The following DPYD variants were observed in gnomAD, a reference collection of about 807,000 sequenced individuals.
The protein encoded by DPYD is dihydropyrimidine dehydrogenase.
DPYD carries 109 observed loss-of-function variants against 116.2 expected under a neutral mutation model. That is an observed-to-expected ratio of 0.94 (90% CI 0.80 to 1.10). DPYD has a LOEUF of 1.10. Among genes scored for constraint, DPYD ranks in the 50% least tolerant of loss-of-function variants. DPYD has a pLI of 0.00. For missense variants in DPYD, 1,302 were observed against 1,254.5 expected, an observed-to-expected ratio of 1.04 and a Z score of -0.57; for synonymous variants, 440 against 432.0, an observed-to-expected ratio of 1.02 and a Z score of -0.23.
At chr1:97,094,113 T>G (rs1459160556) in intron 21 of DPYD, among the ~76,000 whole-genome samples, 1 of 152,062 alleles carries the variant, frequency 6.6e-6, no homozygotes, top group African/African-American at 2.4e-5. Flanking sequence ...GTTGTTACTT[T>G]CTCAGTCTTC....
At chr1:97,310,179 C>T (rs1667418127) in intron 16 of DPYD, among the ~76,000 whole-genome samples, 1 of 151,804 alleles carries the variant, frequency 6.6e-6, no homozygotes, top group Middle Eastern at 3.4e-3. Context: ...CAAAATTTTA[C>T]CAGTTATAAA....
intron 4 of DPYD, among the ~76,000 whole-genome samples, chr1:97,737,412 T>C (rs1454580666): frequency 1.3e-5 from 2 of 152,100 alleles, no homozygotes; most frequent in Non-Finnish European, 2.9e-5. Context: ...TTTCCAACAT[T>C]TTTTCTTCCA....
intron 2 of DPYD, among the ~76,000 whole-genome samples, chr1:97,877,797 C>T (rs935052964): frequency 6.6e-6 from 1 of 151,850 alleles, no homozygotes; most frequent in African/African-American, 2.4e-5. Context: ...TTTGATATGT[C>T]AATGGAGGGA....
intron 20 of DPYD, among the ~76,000 whole-genome samples, chr1:97,152,413 CTT>C (rs950138928): frequency 1.3e-5 from 2 of 150,424 alleles, no homozygotes; most frequent in African/African-American, 2.4e-5. Context: ...GATGCCTCCA[CTT>C]TGTTAGGTGA....
intron 18 of DPYD, among the ~76,000 whole-genome samples, chr1:97,255,517 C>T (rs972054588): frequency 2.6e-5 from 4 of 152,058 alleles, no homozygotes; most frequent in African/African-American, 9.7e-5. Context: ...TCTCTCTTTG[C>T]CTGCTGCCAT....
At chr1:97,423,861 A>G (rs1214038012) in intron 14 of DPYD, among the ~76,000 whole-genome samples, 1 of 152,098 alleles carries the variant, frequency 6.6e-6, no homozygotes, top group Admixed American at 6.6e-5. Context: ...CTGATTACAA[A>G]ATAAGAAATT....
rs1038505911 is a variant in DPYD at position 97,126,254 on chromosome 1, T to C, written c.2623-27622A>G. Among the ~76,000 whole-genome samples the C allele has an allele frequency of 3.3e-5, 5 of 152,192 alleles. No individual in the cohort carries two copies. The South Asian group carries it at 6.2e-4, about 19-fold the overall frequency. ...GATAAATTTGCTCAAGTAGAACTTC[T>C]AGATGTATCTGACACTTGTTCCCAT... On this transcript the variant is annotated intron_variant, in intron 20 of 22. Transcript: ENST00000370192.
At chr1:97,819,190 AT>A (rs978462475) in intron 3 of DPYD, among the ~76,000 whole-genome samples, 1 of 151,962 alleles carries the variant, frequency 6.6e-6, no homozygotes, top group Non-Finnish European at 1.5e-5. Context: ...TAAAGATAAC[AT>A]GTTCTCTGTG....
At chr1:97,525,565 T>C (rs1180182713) in intron 12 of DPYD, among the ~76,000 whole-genome samples, 1 of 152,148 alleles carries the variant, frequency 6.6e-6, no homozygotes, top group Non-Finnish European at 1.5e-5. Context: ...TTAGTGTCTT[T>C]TTCAAATTAG....
chr1:97,574,352 T>C (rs1374734645), intron 10 of DPYD, among the ~76,000 whole-genome samples: 1 of 152,098 alleles, frequency 6.6e-6, no homozygotes, highest in Non-Finnish European at 1.5e-5. Flanking sequence ...AATACTTCTG[T>C]TTATTACCAG....
intron 16 of DPYD, among the ~76,000 whole-genome samples, chr1:97,346,005 A>G (rs1212491817): frequency 6.6e-6 from 1 of 151,910 alleles, no homozygotes; most frequent in Non-Finnish European, 1.5e-5. Context: ...TATATTAGGT[A>G]AAGTAAGTTT....
intron 7 of DPYD, among the ~76,000 whole-genome samples, chr1:97,683,396 G>C (rs1019675408): frequency 5.3e-5 from 8 of 151,574 alleles, no homozygotes; most frequent in Non-Finnish European, 3.0e-5. Context: ...TTAAGAAAAA[G>C]GTAATACCTC....
chr1:97,106,801 T>C (rs1221751745), intron 20 of DPYD, among the ~76,000 whole-genome samples: 2 of 152,152 alleles, frequency 1.3e-5, no homozygotes, highest in African/African-American at 4.8e-5. Context: ...GTGAGCCAAT[T>C]CCCATATTAA....
intron 11 of DPYD, among the ~76,000 whole-genome samples, chr1:97,562,229 G>T (rs1652200798): frequency 6.6e-6 from 1 of 152,188 alleles, no homozygotes; most frequent in African/African-American, 2.4e-5. Flanking sequence ...GGGAAGAATA[G>T]TTTTAGATTC....
intron 8 of DPYD, among the ~76,000 whole-genome samples, chr1:97,662,630 C>CT (rs1659331980): frequency 6.6e-6 from 1 of 151,968 alleles, no homozygotes; most frequent in South Asian, 2.1e-4. Flanking sequence ...GAGACTCTGT[C>CT]TCAAAACAAA....
At chr1:97,292,128 T>C (rs1235020949) in intron 18 of DPYD, among the ~76,000 whole-genome samples, 1 of 152,120 alleles carries the variant, frequency 6.6e-6, no homozygotes, top group East Asian at 1.9e-4. Context: ...ATCTACTGAA[T>C]TAGATGCTCT....
At chr1:97,679,365 G>C (rs1660318709) in intron 7 of DPYD, among the ~76,000 whole-genome samples, 183 bp from the exon 8 acceptor site, 1 of 152,038 alleles carries the variant, frequency 6.6e-6, no homozygotes, top group Non-Finnish European at 1.5e-5. Context: ...AAATAGAACA[G>C]GAACATGTTC....
At chr1:97,426,076 G>A (rs1674851839) in intron 14 of DPYD, among the ~76,000 whole-genome samples, 1 of 151,774 alleles carries the variant, frequency 6.6e-6, no homozygotes, top group Admixed American at 6.6e-5. Context: ...GGCATTAGTT[G>A]ACATTAGTGT....
At chr1:97,513,987 T>C (rs2101969840) in intron 13 of DPYD, among the ~76,000 whole-genome samples, 1 of 152,014 alleles carries the variant, frequency 6.6e-6, no homozygotes, top group Admixed American at 6.6e-5. Context: ...TAAAATAGTC[T>C]GCACAATATT....
Sources: allele counts gnomAD v4.1 joint callset (sites outside exome capture counted in the v4.1 genomes callset), GRCh38; gene constraint gnomAD v4.1.1; transcripts MANE v1.5; gene names NCBI Gene and HGNC (gene_info 2026-07-23, HGNC 2026-07-21).